KIF4A: variants seen among roughly 807,000 people sequenced by gnomAD.
KIF4A encodes the protein kinesin family member 4A.
KIF4A carries 7 observed loss-of-function variants against 105.9 expected under a neutral mutation model. The observed-to-expected ratio is 0.07, with a 90% CI of 0.04 to 0.12. The LOEUF (loss-of-function observed/expected upper bound fraction) is 0.12. KIF4A is among the 10% of genes least tolerant of loss of function. The pLI is 1.00. For missense variants in KIF4A, 558 were observed against 929.2 expected, an observed-to-expected ratio of 0.60 and a Z score of 5.19; for synonymous variants, 281 against 331.3, an observed-to-expected ratio of 0.85 and a Z score of 1.65.
chrX:70,300,073 A>G (rs2085798837), intron 5 of KIF4A, among the ~76,000 whole-genome samples: 1 of 110,866 alleles, frequency 9.0e-6, no homozygotes, highest in Non-Finnish European at 1.9e-5. Context: ...ATAATATCTT[A>G]CTCCTGTTCT....
Position 70,299,051 on chromosome X carries a change from AC to A in KIF4A, c.427-60del, listed in dbSNP as rs201540521. On this transcript the variant is annotated intron_variant, in intron 4 of 30. Coordinates refer to ENST00000374403, the MANE Select transcript of KIF4A (RefSeq NM_012310.5). ...AATTTTAAAAATTACCTATGATCTC[AC>A]CACCCAGAGATTACCACTGTTAACA... 4.1e-4 allele frequency: 361 copies of A among 882,831 alleles called. 2 individuals are homozygous for A. The African/African-American group carries it at 6.3e-3, about 15-fold the overall frequency. The allele number at this position is 882,831 out of a possible 1,213,427, so 72.8% of individuals were successfully genotyped here.
At chrX:70,294,119 AT>A (rs1301221560) in intron 3 of KIF4A, among the ~76,000 whole-genome samples, 24 of 112,408 alleles carry the variant, frequency 2.1e-4, no homozygotes, top group African/African-American at 7.1e-4. Context: ...TTTTAAAAAA[AT>A]ATATTTTTTT....
At chrX:70,313,911 C>T (rs1277277293) in intron 7 of KIF4A, among the ~76,000 whole-genome samples, 1 of 112,375 alleles carries the variant, frequency 8.9e-6, no homozygotes, top group Non-Finnish European at 1.9e-5. Flanking sequence ...ATATATTCTC[C>T]AATAGAGTTG....
At chrX:70,296,359 A>C (rs2085783467) in intron 3 of KIF4A, among the ~76,000 whole-genome samples, 1 of 111,753 alleles carries the variant, frequency 8.9e-6, no homozygotes, top group African/African-American at 3.2e-5. Context: ...TGCTGGGATT[A>C]CAGGTATGAG....
intron 10 of KIF4A, among the ~76,000 whole-genome samples, chrX:70,336,308 G>A (rs1172405339): frequency 8.9e-6 from 1 of 112,127 alleles, no homozygotes; most frequent in East Asian, 2.8e-4. Flanking sequence ...AAAACATGCT[G>A]CAGTGAATAA....
chrX:70,310,367 A>G (rs1312506134), intron 7 of KIF4A, among the ~76,000 whole-genome samples: 1 of 104,988 alleles, frequency 9.5e-6, no homozygotes, highest in African/African-American at 3.5e-5. Context: ...TCTTTTGCTC[A>G]ACATAGTGTT....
intron 15 of KIF4A, among the ~76,000 whole-genome samples, chrX:70,369,416 T>C (rs915596133): frequency 2.7e-5 from 3 of 112,526 alleles, no homozygotes; most frequent in Non-Finnish European, 5.6e-5. Flanking sequence ...ATTTTTCATC[T>C]ATCAGATTGG....
intron 28 of KIF4A, among the ~76,000 whole-genome samples, chrX:70,411,110 G>A (rs1327422003): frequency 9.0e-6 from 1 of 111,394 alleles, no homozygotes; most frequent in African/African-American, 3.3e-5. Context: ...AGAGGAAGCA[G>A]GTATTTTTGC....
At position 70,363,018 on chromosome X, in the gene KIF4A, G is replaced by A. The variant is rs537205692; in HGVS notation, c.1674+9211G>A. On this transcript the variant is annotated intron_variant, in intron 15 of 30. Transcript: ENST00000374403. ...GCTCACTACAGCCTTGACTTCCTGG[G>A]TTCAAGGGATCCTCCCACCTCAGCC... 1.3e-3 allele frequency among the ~76,000 whole-genome samples: 143 copies of A among 110,754 alleles called. 2 individuals are homozygous for A. In the South Asian group the frequency reaches 0.053, roughly 41 times the overall value.
At chrX:70,294,277 C>T (rs2085772227) in intron 3 of KIF4A, among the ~76,000 whole-genome samples, 1 of 112,213 alleles carries the variant, frequency 8.9e-6, no homozygotes. Flanking sequence ...ATCCATAGAG[C>T]TGTCATCTCC....
intron 18 of KIF4A, among the ~76,000 whole-genome samples, chrX:70,378,516 G>C (rs1316502311): frequency 3.6e-5 from 4 of 110,327 alleles, no homozygotes; most frequent in Non-Finnish European, 1.9e-5. Flanking sequence ...ATCACCTGAG[G>C]TCGGGAGTTC....
At chrX:70,374,457 A>G (rs1478373459) in intron 16 of KIF4A, among the ~76,000 whole-genome samples, 2 of 112,283 alleles carry the variant, frequency 1.8e-5, no homozygotes, top group African/African-American at 6.5e-5. Flanking sequence ...GTCATAACAC[A>G]GCACATGATT....
At chrX:70,294,796 G>A (rs1209048818) in intron 3 of KIF4A, among the ~76,000 whole-genome samples, 1 of 112,930 alleles carries the variant, frequency 8.9e-6, no homozygotes, top group Non-Finnish European at 1.9e-5. Context: ...TGCCCGCTGG[G>A]CATGGTCGCT....
rs1405921768 is a variant in KIF4A, at chrX:70,402,549, T to C, written c.2490-17T>C. On this transcript the variant is annotated splice_polypyrimidine_tract_variant and intron_variant, in intron 22 of 30. Transcript: ENST00000374403. ...TCAGGCTACTTGCAATAAGGCTTAC[T>C]GTTTCTTTCCCTGAAGGAGTGCTCA... 8.3e-7 allele frequency: 1 copy of C among 1,209,410 alleles called. No homozygotes were observed. The highest frequency in any genetic ancestry group is 1.1e-6 in the Non-Finnish European group (1 of 894,591).
intron 15 of KIF4A, among the ~76,000 whole-genome samples, chrX:70,372,049 G>A (rs763812748): frequency 5.6e-5 from 6 of 107,814 alleles, no homozygotes; most frequent in East Asian, 3.0e-4. Flanking sequence ...GACGATGGGC[G>A]GCCAGGCAGA....
At chrX:70,342,729 C>T (rs1473968356) in intron 11 of KIF4A, among the ~76,000 whole-genome samples, 4 of 112,162 alleles carry the variant, frequency 3.6e-5, no homozygotes, top group African/African-American at 3.2e-5. Flanking sequence ...CCATTACTAA[C>T]GGAGGGTGAA....
At chrX:70,358,692 T>A (rs959902555) in intron 15 of KIF4A, among the ~76,000 whole-genome samples, 6 of 112,529 alleles carry the variant, frequency 5.3e-5, no homozygotes, top group African/African-American at 1.9e-4. Flanking sequence ...TAAGATACTT[T>A]CCTACAATTT....
intron 10 of KIF4A, among the ~76,000 whole-genome samples, chrX:70,334,605 G>T (rs1416139019): frequency 8.9e-6 from 1 of 112,379 alleles, no homozygotes. Context: ...CAGCATTTAT[G>T]TACAGTTCTT....
At chrX:70,419,551 G>A (rs2086358073) in intron 29 of KIF4A, 110 bp from the exon 30 acceptor site, 1 of 954,875 alleles carries the variant, frequency 1.0e-6, no homozygotes, top group African/African-American at 1.9e-5. Context: ...ACTTGCTTCA[G>A]CTGACTAATC....
Sources: allele counts gnomAD v4.1 joint callset (sites outside exome capture counted in the v4.1 genomes callset), GRCh38; gene constraint gnomAD v4.1.1; transcripts MANE v1.5; gene names NCBI Gene and HGNC (gene_info 2026-07-23, HGNC 2026-07-21).